The following TTLL6 variants were observed in gnomAD, a reference collection of about 807,000 sequenced individuals.
The protein encoded by TTLL6 is tubulin polyglutamylase TTLL6.
In TTLL6, 75 loss-of-function variants were observed where a neutral mutation model predicts 96.4. The observed-to-expected ratio is 0.78, with a 90% confidence interval of 0.65 to 0.94. The LOEUF (loss-of-function observed/expected upper bound fraction) is 0.94, where lower values mean the gene tolerates loss of function less well. Ranked by LOEUF, TTLL6 falls within the 40% of genes least tolerant of loss-of-function variation. The pLI is 0.00. For synonymous variants in TTLL6, 411 were observed against 419.4 expected, an observed-to-expected ratio of 0.98 and a Z score of 0.24; for missense variants, 1,030 against 1,093.0, an observed-to-expected ratio of 0.94 and a Z score of 0.81.
rs575395270 is a variant in TTLL6, at chr17:48,785,803, G to A, written c.1761+361C>T. 9.9e-5 allele frequency among the ~76,000 whole-genome samples: 15 copies of A among 152,230 alleles called. No homozygotes were observed. The East Asian group carries it at 2.9e-3, about 29-fold the overall frequency. The stretch of plus-strand genomic sequence containing the variant: ...CCACTGTGCCCTGGCCTGCTAGAGG[G>A]GAGCATTCCAACCCAAGCTGCAGTT... On this transcript the variant is annotated intron_variant, in intron 12 of 15. Transcript: ENST00000393382.
rs539223967 is a variant in TTLL6, at chr17:48,798,263, AT to A, written c.769-1060del. ...ATAGAGACTCTACCTCTACAAAGAA[AT>A]TTTTTTTTAATAAAAAATTAGTCTG... On this transcript the variant is annotated intron_variant, in intron 6 of 15. Transcript: ENST00000393382. Among the ~76,000 whole-genome samples, 246 of 151,842 alleles carry A rather than the reference AT, an allele frequency of 1.6e-3. 1 individual carries two copies. The highest frequency in any genetic ancestry group is 0.015 in the South Asian group (73 of 4,774).
At chr17:48,774,719 T>G (rs2038837080) in intron 13 of TTLL6, among the ~76,000 whole-genome samples, 1 of 152,156 alleles carries the variant, frequency 6.6e-6, no homozygotes, top group Non-Finnish European at 1.5e-5. Context: ...AATAAGTTAT[T>G]TGGATAGTCT....
At chr17:48,803,997 A>C in intron 2 of TTLL6, 69 bp from the exon 3 acceptor site, 3 of 1,513,992 alleles carry the variant, frequency 2.0e-6, no homozygotes, top group Non-Finnish European at 2.7e-6. Context: ...GACTGTATCC[A>C]GAAACATCCT....
intron 13 of TTLL6, among the ~76,000 whole-genome samples, chr17:48,780,435 C>T (rs2038964366): frequency 6.6e-6 from 1 of 152,118 alleles, no homozygotes; most frequent in Non-Finnish European, 1.5e-5. Flanking sequence ...AAAGGAGACT[C>T]CAGGATCCAA....
chr17:48,770,151 T>C (rs1291716270), intron 13 of TTLL6, 54 bp from the exon 14 acceptor site: 16 of 1,521,938 alleles, frequency 1.1e-5, no homozygotes, highest in Non-Finnish European at 1.4e-5. Context: ...GGTTCCTTCC[T>C]ATGCTATTTT....
chr17:48,789,923 G>A lies in TTLL6; in HGVS notation c.1400+8C>T, dbSNP rs376202064. ...AGAGCCCCGCAAGGCTGGGGAGTGC[G>A]AATGTACCTCATCTCCCGAGAACAA... On this transcript the variant is annotated splice_region_variant and intron_variant, in intron 10 of 15. Coordinates refer to ENST00000393382, the MANE Select transcript of TTLL6 (RefSeq NM_001130918.3). 9.0e-5 allele frequency: 146 copies of A among 1,613,598 alleles called. 1 individual carries two copies. In the African/African-American group the frequency reaches 1.4e-3, roughly 16 times the overall value.
chr17:48,797,001 T>C, intron 7 of TTLL6, 60 bp downstream of exon 7: 1 of 520,766 alleles, frequency 1.9e-6, no homozygotes, highest in Non-Finnish European at 2.7e-6. Context: ...TTAACTAGAA[T>C]TTTTTTTTTT....
intron 1 of TTLL6, among the ~76,000 whole-genome samples, chr17:48,809,948 A>T (rs750309557): frequency 1.3e-5 from 2 of 151,022 alleles, no homozygotes; most frequent in Non-Finnish European, 2.9e-5. Context: ...GACCAGCCTG[A>T]CCAACATGGA....
At chr17:48,807,550 C>T (rs1383029802) in intron 1 of TTLL6, among the ~76,000 whole-genome samples, 2 of 151,986 alleles carry the variant, frequency 1.3e-5, no homozygotes, top group African/African-American at 4.8e-5. Flanking sequence ...CTTGCTTTGT[C>T]GCCCAGGCTG....
rs998693219 is a variant in TTLL6 at position 48,762,340 on chromosome 17, C to T, written c.*634G>A. The T allele has an allele frequency of 1.3e-5, 2 of 152,206 alleles. No individual in the cohort carries two copies. Among genetic ancestry groups the T allele is most frequent in the African/African-American group, 4.8e-5 (2 of 41,444 alleles). The allele number at this position is 152,206 out of a possible 1,614,324, so 9.4% of individuals were successfully genotyped here. Reference sequence around the variant, plus strand: ...ATCTTCAGGCTGGGTACTCTCGCCTCACCTCTGTTTTCACTGGTGAGATTA... The same window carrying T: ...ATCTTCAGGCTGGGTACTCTCGCCTTACCTCTGTTTTCACTGGTGAGATTA... On this transcript the variant is annotated 3_prime_UTR_variant, in exon 16 of 16. Coordinates refer to ENST00000393382, the MANE Select transcript of TTLL6 (RefSeq NM_001130918.3).
chr17:48,769,993 G>A lies in TTLL6; in HGVS notation c.2145C>T (p.Gly715=), dbSNP rs2038705360. 2 of 1,614,018 alleles carry A rather than the reference G, an allele frequency of 1.2e-6. No homozygotes were observed. The highest frequency in any genetic ancestry group is 2.2e-5 in the East Asian group (1 of 44,896). Residue 715 remains glycine (G), a synonymous_variant, in exon 14 of 16, where the codon GGC becomes GGT. Transcript: ENST00000393382. ...AGGATACCACCCTGTCCGTCTCTGG[G>A]CCACTGTACTCAGAGCTGGCGGTCA... is the stretch of plus-strand genomic sequence containing the variant. ...LAVTASSEYS[G]PETDRVVSFK... is the part of the protein sequence containing the mutation.
intron 13 of TTLL6, among the ~76,000 whole-genome samples, chr17:48,778,005 G>T (rs1480076464): frequency 6.6e-6 from 1 of 151,984 alleles, no homozygotes; most frequent in Non-Finnish European, 1.5e-5. Flanking sequence ...CTGGGCGCCC[G>T]GTGGCTCACG....
chr17:48,805,427 A>G (rs2039491917), intron 1 of TTLL6, among the ~76,000 whole-genome samples: 1 of 152,176 alleles, frequency 6.6e-6, no homozygotes, highest in South Asian at 2.1e-4. Flanking sequence ...TCCACACAGC[A>G]ATATGCTGGC....
At chr17:48,782,177 C>G (rs1323912905) in intron 13 of TTLL6, among the ~76,000 whole-genome samples, 1 of 148,672 alleles carries the variant, frequency 6.7e-6, no homozygotes, top group African/African-American at 2.5e-5. Context: ...ATGATCTCAG[C>G]TCACTGCAAC....
At chr17:48,769,676 G>A in intron 14 of TTLL6, 52 bp downstream of exon 14, 1 of 1,579,042 alleles carries the variant, frequency 6.3e-7, no homozygotes, top group Non-Finnish European at 8.6e-7. Context: ...GGTTCTATCG[G>A]TCCCTCTCCC....
rs1034714973 is a variant in TTLL6 at position 48,796,110 on chromosome 17, T to G, written c.949A>C (p.Asn317His). ...CGACTGAAATTTGAACTGTGCTTAT[T>G]AATGGAATAATTAGTCAGGTGCATG... is the stretch of plus-strand genomic sequence containing the variant. ...ICMHLTNYSI[N>H]KHSSNFSRDA... is the part of the protein sequence containing the mutation. The change falls in exon 8 of 16, where the codon AAT (asparagine) becomes CAT (histidine). Residue 317 changes from asparagine (N) to histidine (H), a missense_variant. Asn to His is a moderately conservative substitution (Grantham distance 68). Transcript: ENST00000393382. 1.9e-6 allele frequency: 3 copies of G among 1,551,420 alleles called. No homozygotes were observed. The highest frequency in any genetic ancestry group is 1.4e-5 in the African/African-American group (1 of 73,054).
rs1260416761 is a variant in TTLL6, at chr17:48,773,928, CAA to C, written c.2041-3833_2041-3832del. 3.4e-5 allele frequency among the ~76,000 whole-genome samples: 5 copies of C among 145,398 alleles called. No homozygotes were observed. In the East Asian group the frequency reaches 1.1e-3, roughly 31 times the overall value. ...AGAAACCCCGTCTCTACTAAAAATA[CAA>C]AATTAGCTGGGCGTGGTGGTGCATG... On this transcript the variant is annotated intron_variant, in intron 13 of 15. Transcript: ENST00000393382.
chr17:48,782,280 AT>A (rs2039003667), intron 13 of TTLL6, among the ~76,000 whole-genome samples: 4 of 151,542 alleles, frequency 2.6e-5, no homozygotes, highest in Admixed American at 2.6e-4. Flanking sequence ...TAGGTTTTGT[AT>A]TTTTAGTAGA....
In TTLL6 at chr17:48,801,994, G is replaced by A. The variant is rs146222489; in HGVS notation, c.362-351C>T. On this transcript the variant is annotated intron_variant, in intron 3 of 15. Transcript: ENST00000393382. ...CTGGAAGTCGAGGCTGCAGTGAGCC[G>A]TGATCATGCCACTGCACTTGAGCCT... Among the ~76,000 whole-genome samples, 37 of 150,860 alleles carry A rather than the reference G, an allele frequency of 2.5e-4. 1 individual carries two copies. The East Asian group carries it at 3.5e-3, about 14-fold the overall frequency.
Sources: allele counts gnomAD v4.1 joint callset (sites outside exome capture counted in the v4.1 genomes callset), GRCh38; gene constraint gnomAD v4.1.1; transcripts MANE v1.5; gene names NCBI Gene and HGNC (gene_info 2026-07-23, HGNC 2026-07-21).